PLEKHG3: variants seen among roughly 807,000 people sequenced by gnomAD.
PLEKHG3 encodes pleckstrin homology and RhoGEF domain containing G3, also known as pleckstrin homology domain-containing family G member 3.
Under a neutral mutation model 94.9 loss-of-function variants are expected in PLEKHG3, and 62 were observed. The observed-to-expected ratio is 0.65, with a 90% CI of 0.53 to 0.81. The LOEUF is 0.81. PLEKHG3 is among the 30% of genes least tolerant of loss of function. The pLI is 0.00. For missense variants in PLEKHG3, 1,461 were observed against 1,619.3 expected, an observed-to-expected ratio of 0.90 and a Z score of 1.68; for synonymous variants, 614 against 654.0, an observed-to-expected ratio of 0.94 and a Z score of 0.93.
Position 64,731,264 on chromosome 14 carries a change from T to TG in PLEKHG3, c.850-94dup. ...CTGTGGCCACCCTGCTGGGATGAGC[T>TG]GGGCAGTGGCATTGGGGGAGCCTTT... On this transcript the variant is annotated intron_variant, in intron 7 of 16. Coordinates refer to ENST00000247226, the MANE Select transcript of PLEKHG3 (RefSeq NM_001308147.2). This position sits in a 1 kb window ranked among gnomAD's most constrained non-coding sequence, Gnocchi z 6.1. 2 of 1,451,922 alleles carry TG rather than the reference T, an allele frequency of 1.4e-6. No individual in the cohort carries two copies. The highest frequency in any genetic ancestry group is 1.9e-6 in the Non-Finnish European group (2 of 1,044,440). 89.9% of individuals were successfully genotyped at this position (1,451,922 alleles called of 1,614,324 possible). A position where few individuals can be genotyped will look rare whatever the true frequency, so the allele number is the denominator to read the frequency against.
intron 1 of PLEKHG3, among the ~76,000 whole-genome samples, chr14:64,708,124 T>C (rs2081002634): frequency 6.6e-6 from 1 of 151,974 alleles, no homozygotes; most frequent in South Asian, 2.1e-4. Context: ...GGCAAAAACT[T>C]TCTGGTTAGG....
Position 64,749,774 on chromosome 14 carries a change from A to G in PLEKHG3, c.*6071A>G, listed in dbSNP as rs116792609. The G allele has an allele frequency of 2.0e-4, 315 of 1,568,868 alleles. No homozygotes were observed. The African/African-American group carries it at 3.5e-3, about 18-fold the overall frequency. The stretch of plus-strand genomic sequence containing the variant: ...GGCAGAGGGCTGGCTCTGATCCCAC[A>G]ATACCCTGAGCCGAACATCCAGACC... On this transcript the variant is annotated 3_prime_UTR_variant, in exon 17 of 17. Coordinates refer to ENST00000247226, the MANE Select transcript of PLEKHG3 (RefSeq NM_001308147.2). This position sits in a 1 kb window ranked among gnomAD's most constrained non-coding sequence, Gnocchi z 4.7.
In PLEKHG3 at chr14:64,749,340, T is replaced by A. The variant is rs1425392012; in HGVS notation, c.*5637T>A. 5 of 1,609,796 alleles carry A rather than the reference T, an allele frequency of 3.1e-6. No homozygotes were observed. In the South Asian group the frequency reaches 5.5e-5, roughly 18 times the overall value. On this transcript the variant is annotated 3_prime_UTR_variant, in exon 17 of 17. Transcript: ENST00000247226. This position sits in a 1 kb window ranked among gnomAD's most constrained non-coding sequence, Gnocchi z 4.7. ...TTTGGGGAAGAAGCTGAATCTCTTC[T>A]CCTTGTCTTTCTTGCCGAGGCTGGC...
chr14:64,730,740 C>T lies in PLEKHG3; in HGVS notation c.566+52C>T. 6.2e-7 allele frequency: 1 copy of T among 1,611,908 alleles called. No individual in the cohort carries two copies. Among genetic ancestry groups the T allele is most frequent in the Non-Finnish European group, 8.5e-7 (1 of 1,178,106 alleles). On this transcript the variant is annotated intron_variant, in intron 5 of 16. Transcript: ENST00000247226. This position sits in a 1 kb window ranked among gnomAD's most constrained non-coding sequence, Gnocchi z 5.4. ...CAGAGCCATTTGGTGAGTCCAGAGCCCCCCACTTCCTCATCCAGGCCTTCC... is the reference window on the plus strand; with the variant it reads ...CAGAGCCATTTGGTGAGTCCAGAGCTCCCCACTTCCTCATCCAGGCCTTCC...
At position 64,749,281 on chromosome 14, in the gene PLEKHG3, C is replaced by G. The variant is rs2081903246; in HGVS notation, c.*5578C>G. ...TGCCCGGTCTCTGCGCGTCCCGACT[C>G]CGCCGCGCCCGCCAGCCCCACCTGC... On this transcript the variant is annotated 3_prime_UTR_variant, in exon 17 of 17. Transcript: ENST00000247226. The surrounding 1 kb of genome is among the most constrained non-coding windows in gnomAD (Gnocchi z 4.7). 6.4e-7 allele frequency: 1 copy of G among 1,556,982 alleles called. No homozygotes were observed. Among genetic ancestry groups the G allele is most frequent in the Non-Finnish European group, 8.6e-7 (1 of 1,156,274 alleles).
chr14:64,716,238 T>G lies in PLEKHG3; in HGVS notation c.-39-11355T>G, dbSNP rs1004817288. 1 of 356,916 alleles carries G rather than the reference T, an allele frequency of 2.8e-6. No individual in the cohort carries two copies. Among genetic ancestry groups the G allele is most frequent in the Non-Finnish European group, 5.6e-6 (1 of 178,704 alleles). The allele number at this position is 356,916 out of a possible 1,614,324, so 22.1% of individuals were successfully genotyped here. A position where few individuals can be genotyped will look rare whatever the true frequency, so the allele number is the denominator to read the frequency against. Reference sequence around the variant, plus strand: ...TAGGGTAAAAGGCAGGTTTTTCCCTTGTGGGTTAGACACTGAGGACCATAA... The same window carrying G: ...TAGGGTAAAAGGCAGGTTTTTCCCTGGTGGGTTAGACACTGAGGACCATAA... On this transcript the variant is annotated intron_variant, in intron 1 of 16. Coordinates refer to ENST00000247226, the MANE Select transcript of PLEKHG3 (RefSeq NM_001308147.2). The surrounding 1 kb of genome is among the most constrained non-coding windows in gnomAD (Gnocchi z 5.0).
intron 1 of PLEKHG3, among the ~76,000 whole-genome samples, chr14:64,710,133 T>C (rs990106516): frequency 6.6e-6 from 1 of 152,184 alleles, no homozygotes; most frequent in African/African-American, 2.4e-5. Context: ...CAGCAGGGTG[T>C]ATTTATAGCG....
At position 64,749,066 on chromosome 14, in the gene PLEKHG3, C is replaced by T. The variant is rs1199080541; in HGVS notation, c.*5363C>T. On this transcript the variant is annotated 3_prime_UTR_variant, in exon 17 of 17. Coordinates refer to ENST00000247226, the MANE Select transcript of PLEKHG3 (RefSeq NM_001308147.2). This position sits in a 1 kb window ranked among gnomAD's most constrained non-coding sequence, Gnocchi z 4.7. ...CCAGGCCTGGAGGCCCCAAAGGCGCCAGAGGAGCTGGGAGCCCCTGTCCCT... is the reference window on the plus strand; with the variant it reads ...CCAGGCCTGGAGGCCCCAAAGGCGCTAGAGGAGCTGGGAGCCCCTGTCCCT... 7 of 449,626 alleles carry T rather than the reference C, an allele frequency of 1.6e-5. No homozygotes were observed. The highest frequency in any genetic ancestry group is 1.2e-5 in the Non-Finnish European group (3 of 252,734). 27.9% of individuals were successfully genotyped at this position (449,626 alleles called of 1,614,324 possible).
At chr14:64,709,988 A>G (rs2081042246) in intron 1 of PLEKHG3, among the ~76,000 whole-genome samples, 1 of 152,210 alleles carries the variant, frequency 6.6e-6, no homozygotes, top group South Asian at 2.1e-4. Context: ...GTTAACCTGT[A>G]GTCAGCTGTT....
In PLEKHG3 at chr14:64,741,819, G is replaced by A. The variant is rs1178589867; in HGVS notation, c.2302G>A (p.Val768Ile). ...CCTTCCCCGGCCAGACCCAGAGCCA[G>A]TACCTCCAGTGGGGAGCAAGAGACA... ...NSLPRPDPEP[V>I]PPVGSKRQVG... is the part of the protein sequence containing the mutation. The change falls in exon 16 of 17, where the codon GTA (valine) becomes ATA (isoleucine). Residue 768 changes from valine (V) to isoleucine (I), a missense_variant. Val to Ile is a conservative substitution (Grantham distance 29). Around this residue, in one of 3 missense-constraint regions of PLEKHG3, gnomAD observed 1,201 missense variants for 1,295.5 expected, o/e 0.93. Coordinates refer to ENST00000247226, the MANE Select transcript of PLEKHG3 (RefSeq NM_001308147.2). The A allele has an allele frequency of 6.2e-7, 1 of 1,613,654 alleles. No individual in the cohort carries two copies. Among genetic ancestry groups the A allele is most frequent in the South Asian group, 1.1e-5 (1 of 91,086 alleles).
Position 64,725,757 on chromosome 14 carries a change from C to T in PLEKHG3, c.-39-1836C>T, listed in dbSNP as rs939895831. The stretch of plus-strand genomic sequence containing the variant: ...TCATACAGAGCTCCTTGGAGGTGAC[C>T]CCCTCCAGTGAGACACAGTGACAAA... On this transcript the variant is annotated intron_variant, in intron 1 of 16. Coordinates refer to ENST00000247226, the MANE Select transcript of PLEKHG3 (RefSeq NM_001308147.2). This position sits in a 1 kb window ranked among gnomAD's most constrained non-coding sequence, Gnocchi z 5.0. Among the ~76,000 whole-genome samples the T allele has an allele frequency of 1.3e-5, 2 of 152,148 alleles. No individual in the cohort carries two copies. The highest frequency in any genetic ancestry group is 4.8e-5 in the African/African-American group (2 of 41,416).
chr14:64,740,118 A>G (rs1424665340), intron 15 of PLEKHG3, among the ~76,000 whole-genome samples: 1 of 152,082 alleles, frequency 6.6e-6, no homozygotes, highest in Non-Finnish European at 1.5e-5. Context: ...TCTGGTGTGT[A>G]TTTTATCCCA....
intron 1 of PLEKHG3, among the ~76,000 whole-genome samples, chr14:64,714,475 C>G (rs1039145487): frequency 3.2e-4 from 49 of 152,184 alleles, no homozygotes; most frequent in African/African-American, 1.2e-3. Context: ...TTTCATAGCA[C>G]TTACACTTTC....
intron 12 of PLEKHG3, among the ~76,000 whole-genome samples, 187 bp downstream of exon 12, chr14:64,733,088 C>A (rs1051740448): frequency 6.6e-6 from 1 of 150,728 alleles, no homozygotes; most frequent in African/African-American, 2.4e-5. Flanking sequence ...ACACCAGGTA[C>A]CCCTGGGCCC....
intron 1 of PLEKHG3, among the ~76,000 whole-genome samples, chr14:64,713,989 ACTAC>A (rs1442607823): frequency 6.6e-6 from 1 of 152,016 alleles, no homozygotes; most frequent in Non-Finnish European, 1.5e-5. Flanking sequence ...TACCCCCTAT[ACTAC>A]CATCTTCTTT....
intron 1 of PLEKHG3, among the ~76,000 whole-genome samples, chr14:64,705,005 G>C (rs1209635228): frequency 6.6e-6 from 1 of 152,164 alleles, no homozygotes; most frequent in Non-Finnish European, 1.5e-5. Flanking sequence ...GGCTCAGTTT[G>C]AAATCCAGGA....
At chr14:64,733,517 C>T (rs538315121) in intron 12 of PLEKHG3, among the ~76,000 whole-genome samples, 2 of 152,314 alleles carry the variant, frequency 1.3e-5, no homozygotes, top group African/African-American at 2.4e-5. Context: ...CCGGCCTTGG[C>T]ACCCCTTCTT....
At chr14:64,706,678 T>C (rs1180853598) in intron 1 of PLEKHG3, among the ~76,000 whole-genome samples, 1 of 152,250 alleles carries the variant, frequency 6.6e-6, no homozygotes, top group Non-Finnish European at 1.5e-5. Context: ...CTGGTCTTAA[T>C]ATCTCAGCCC....
At position 64,732,035 on chromosome 14, in the gene PLEKHG3, C is replaced by A; in HGVS notation, c.1126-60C>A. ...TCCCTGGGTGGAAGCACTGTCCATG[C>A]TAGACAGCTTCAGGCCTGTAATGAT... On this transcript the variant is annotated intron_variant, in intron 9 of 16. Transcript: ENST00000247226. The surrounding 1 kb of genome is among the most constrained non-coding windows in gnomAD (Gnocchi z 4.9). 7.8e-7 allele frequency: 1 copy of A among 1,276,386 alleles called. No homozygotes were observed. Among genetic ancestry groups the A allele is most frequent in the Non-Finnish European group, 1.1e-6 (1 of 872,386 alleles). The allele number at this position is 1,276,386 out of a possible 1,614,324, so 79.1% of individuals were successfully genotyped here.
Sources: gnomAD v4.1 joint callset for allele counts (sites outside exome capture counted in the v4.1 genomes callset) on GRCh38, gnomAD v4.1.1 for gene constraint, gnomAD v4.1.1 regional missense constraint, Gnocchi (gnomAD v3.1) non-coding constraint, MANE v1.5 for transcripts, NCBI Gene and HGNC (gene_info 2026-07-23, HGNC 2026-07-21) for gene names.